The following PRSS23 variants were observed in gnomAD, a reference collection of about 807,000 sequenced individuals.
PRSS23 encodes protease, serine 23.
In PRSS23, 25 loss-of-function variants were observed where a neutral mutation model predicts 34.7. That is an observed-to-expected ratio of 0.72 (90% CI 0.53 to 1.01). The LOEUF (loss-of-function observed/expected upper bound fraction) is 1.01, where lower values mean the gene tolerates loss of function less well. Ranked by LOEUF, PRSS23 falls within the 50% of genes least tolerant of loss-of-function variation. The probability of loss-of-function intolerance (pLI) is 0.00; values close to 1 mark genes in which losing one functional copy is unlikely to be tolerated. For synonymous variants in PRSS23, 176 were observed against 186.6 expected (o/e 0.94, Z 0.46); for missense variants, 445 against 475.6 (o/e 0.94, Z 0.60).
At chr11:86,796,875 C>G (rs1388455730), upstream of PRSS23, among the ~76,000 whole-genome samples, 2 of 152,164 alleles carry the variant, frequency 1.3e-5, no homozygotes, top group Non-Finnish European at 2.9e-5. Context: ...AGCTTCAGCT[C>G]AAATTCTACC....
At chr11:86,812,779 C>T (rs1204350050), downstream of PRSS23, among the ~76,000 whole-genome samples, 1 of 132,172 alleles carries the variant, frequency 7.6e-6, no homozygotes. Flanking sequence ...CAGAGTGAGA[C>T]TCTGTCTCAA....
At chr11:86,827,412 C>T (rs1948311156) in intron 2 of PRSS23, among the ~76,000 whole-genome samples, 1 of 152,148 alleles carries the variant, frequency 6.6e-6, no homozygotes, top group Non-Finnish European at 1.5e-5. Flanking sequence ...TGCTAGCAGT[C>T]TATCAATTTT....
intron 2 of PRSS23, among the ~76,000 whole-genome samples, chr11:86,850,512 C>T (rs1399164200): frequency 1.3e-5 from 2 of 152,154 alleles, no homozygotes; most frequent in East Asian, 1.9e-4. Flanking sequence ...TTACTTCAGT[C>T]CTGGATGAAT....
At chr11:86,879,972 A>G (rs1948761722) in intron 2 of PRSS23, among the ~76,000 whole-genome samples, 1 of 152,044 alleles carries the variant, frequency 6.6e-6, no homozygotes. Context: ...AGAACGGGCC[A>G]TGATGACAAT....
intron 2 of PRSS23, among the ~76,000 whole-genome samples, chr11:86,870,053 C>T (rs142096920): frequency 6.6e-6 from 1 of 152,290 alleles, no homozygotes; most frequent in African/African-American, 2.4e-5. Context: ...AAATGAACAA[C>T]CAGTGAATGA....
chr11:86,915,055 T>A (rs1949003178), intron 2 of PRSS23, among the ~76,000 whole-genome samples: 1 of 152,156 alleles, frequency 6.6e-6, no homozygotes. Context: ...CCAGAGCACA[T>A]GGCACAGCAG....
intron 2 of PRSS23, among the ~76,000 whole-genome samples, chr11:86,917,769 A>G (rs2135000236): frequency 6.6e-6 from 1 of 152,310 alleles, no homozygotes; most frequent in East Asian, 1.9e-4. Flanking sequence ...GATTGATCTC[A>G]GCCAATATCT....
rs58223921 is a variant in PRSS23, at chr11:86,841,339, C to CAAAAA, written c.206+17755_206+17759dup. Among the ~76,000 whole-genome samples, 274 of 103,656 alleles carry CAAAAA rather than the reference C, an allele frequency of 2.6e-3. 1 individual carries two copies. The highest frequency in any genetic ancestry group is 5.5e-3 in the Middle Eastern group (1 of 182). The allele number at this position is 103,656 out of a possible 152,430, so 68.0% of individuals were successfully genotyped here. ...GGGCAACAAGAGGGAAACTCCATCT[C>CAAAAA]AAAAAAAAAAAAAGAAGAAGAAAAA... On this transcript the variant is annotated intron_variant, in intron 2 of 2. Coordinates refer to the PRSS23 transcript ENST00000533902.
At chr11:86,877,087 A>C (rs1379154895) in intron 2 of PRSS23, among the ~76,000 whole-genome samples, 1 of 152,196 alleles carries the variant, frequency 6.6e-6, no homozygotes, top group Non-Finnish European at 1.5e-5. Flanking sequence ...CAATCAAATC[A>C]AGATGGGTAA....
At chr11:86,840,068 T>C (rs1288247236) in intron 2 of PRSS23, among the ~76,000 whole-genome samples, 3 of 151,844 alleles carry the variant, frequency 2.0e-5, no homozygotes, top group Non-Finnish European at 4.4e-5. Flanking sequence ...CCAGCTAACA[T>C]CATAATGACA....
intron 1 of PRSS23, 22 bp from the exon 2 acceptor site, chr11:86,807,609 C>T (rs1203493494): frequency 6.4e-7 from 1 of 1,560,614 alleles, no homozygotes; most frequent in Non-Finnish European, 8.7e-7. Flanking sequence ...CCCTCCTGAC[C>T]TGCTTGTCTT....
rs773168565 is a variant in PRSS23 at position 86,808,279 on chromosome 11, C to A, written c.636C>A (p.Ala212=). The part of the protein sequence containing the change: ...GGRGANDSTS[A]MPEQMKFQWI... ...GAGGGGCCAACGACTCCACTTCAGC[C>A]ATGCCCGAGCAGATGAAATTTCAGT... Residue 212 remains alanine (A), a synonymous_variant, in exon 2 of 2, where the codon GCC becomes GCA. Transcript: ENST00000280258. 12 of 1,614,008 alleles carry A rather than the reference C, an allele frequency of 7.4e-6. No individual in the cohort carries two copies. The African/African-American group carries it at 1.6e-4, about 22-fold the overall frequency.
In PRSS23 at chr11:86,838,962, C is replaced by A. The variant is rs559705138; in HGVS notation, c.206+15369C>A. On this transcript the variant is annotated intron_variant, in intron 2 of 2. Transcript: ENST00000533902. The stretch of plus-strand genomic sequence containing the variant: ...TCAACATCAACAAAAAGGACATCCA[C>A]ATGAAAACCCCATCTGTATGTCACC... 2.0e-5 allele frequency among the ~76,000 whole-genome samples: 3 copies of A among 151,986 alleles called. No homozygotes were observed. In the East Asian group the frequency reaches 5.8e-4, roughly 29 times the overall value.
chr11:86,886,121 T>A (rs549909147), intron 2 of PRSS23, among the ~76,000 whole-genome samples: 27 of 152,322 alleles, frequency 1.8e-4, no homozygotes, highest in African/African-American at 6.5e-4. Flanking sequence ...CCCAGCACTT[T>A]GGGAAGCTGA....
intron 1 of PRSS23, chr11:86,823,288 A>G: frequency 4.5e-6 from 3 of 667,090 alleles, no homozygotes; most frequent in East Asian, 2.7e-5. Context: ...AGATGAAGAG[A>G]CTGACGGTCC....
chr11:86,809,712 A>G lies in PRSS23; in HGVS notation c.*917A>G, dbSNP rs886248944. 2.4e-5 allele frequency: 4 copies of G among 167,008 alleles called. No individual in the cohort carries two copies. Among genetic ancestry groups the G allele is most frequent in the African/African-American group, 9.6e-5 (4 of 41,454 alleles). 10.3% of individuals were successfully genotyped at this position (167,008 alleles called of 1,614,324 possible). ...TAGCATTTTACCCCTGGATTATAGC[A>G]CATCTCATGTTTTATCATTTGGATG... On this transcript the variant is annotated 3_prime_UTR_variant, in exon 2 of 2. Coordinates refer to ENST00000280258, the MANE Select transcript of PRSS23 (RefSeq NM_007173.6).
chr11:86,881,515 A>G (rs1948772085), intron 2 of PRSS23, among the ~76,000 whole-genome samples: 1 of 152,014 alleles, frequency 6.6e-6, no homozygotes, highest in African/African-American at 2.4e-5. Flanking sequence ...ATTTTGTTGA[A>G]GATTTTGCAC....
rs541181219 is a variant in PRSS23 at position 86,862,099 on chromosome 11, G to T, written c.206+38506G>T. On this transcript the variant is annotated intron_variant, in intron 2 of 2. Coordinates refer to the PRSS23 transcript ENST00000533902. ...AATATTACTCGCAATATCGCAGGGG[G>T]TGTACACCCCTTGTGATATTGCTTG... is the stretch of plus-strand genomic sequence containing the variant. Among the ~76,000 whole-genome samples the T allele has an allele frequency of 2.6e-5, 4 of 152,010 alleles. No homozygotes were observed. The South Asian group carries it at 6.2e-4, about 24-fold the overall frequency.
At chr11:86,885,259 C>A (rs952100113) in intron 2 of PRSS23, among the ~76,000 whole-genome samples, 1 of 152,122 alleles carries the variant, frequency 6.6e-6, no homozygotes, top group Non-Finnish European at 1.5e-5. Flanking sequence ...GCAAAATTAG[C>A]AAAGGAAAGC....
Sources: gnomAD v4.1 joint callset for allele counts (sites outside exome capture counted in the v4.1 genomes callset) on GRCh38, gnomAD v4.1.1 for gene constraint, MANE v1.5 for transcripts, NCBI Gene and HGNC (gene_info 2026-07-23, HGNC 2026-07-21) for gene names.